Variants in PACRG observed in about 807,000 individuals in gnomAD.
PACRG encodes parkin coregulated gene protein.
Under a neutral mutation model 29.7 loss-of-function variants are expected in PACRG, and 29 were observed. The ratio of observed to expected loss-of-function variants is 0.98; its 90% CI spans 0.73 to 1.33. The LOEUF is 1.33. PACRG is among the 40% of genes most tolerant of loss of function. The pLI is 0.00. For missense variants in PACRG, 279 were observed against 316.2 expected (o/e 0.88, Z 0.89); for synonymous variants, 116 against 118.7 (o/e 0.98, Z 0.15).
At chr6:163,307,685 AT>A (rs1387494332) in intron 4 of PACRG, among the ~76,000 whole-genome samples, 2 of 152,212 alleles carry the variant, frequency 1.3e-5, no homozygotes, top group East Asian at 3.9e-4. Flanking sequence ...GGAAACACAC[AT>A]TATGGTTAAG....
intron 4 of PACRG, among the ~76,000 whole-genome samples, chr6:163,129,158 A>G (rs553545820): frequency 2.0e-4 from 31 of 152,324 alleles, no homozygotes; most frequent in African/African-American, 7.0e-4. Flanking sequence ...CACGATTCTC[A>G]TTCATTCCTT....
chr6:162,797,678 TG>T (rs958558109), intron 1 of PACRG, among the ~76,000 whole-genome samples: 1 of 152,148 alleles, frequency 6.6e-6, no homozygotes, highest in Admixed American at 6.6e-5. Flanking sequence ...TGAATTTTTT[TG>T]GGGGGGACTT....
At chr6:162,851,838 A>G (rs1790885493) in intron 2 of PACRG, among the ~76,000 whole-genome samples, 1 of 152,110 alleles carries the variant, frequency 6.6e-6, no homozygotes, top group South Asian at 2.1e-4. Context: ...GTGTATTTAT[A>G]CATAGACACC....
At chr6:162,832,252 T>C (rs181031682) in intron 2 of PACRG, among the ~76,000 whole-genome samples, 6 of 152,358 alleles carry the variant, frequency 3.9e-5, no homozygotes, top group Admixed American at 3.3e-4. Context: ...ATTTCTCTAA[T>C]GATCGTGATG....
chr6:163,043,720 A>G (rs889976892), intron 2 of PACRG, among the ~76,000 whole-genome samples: 11 of 152,230 alleles, frequency 7.2e-5, no homozygotes, highest in Admixed American at 1.3e-4. Flanking sequence ...TGAACTGAAC[A>G]TGGAGAATAA....
rs543311597 is a variant in PACRG, at chr6:163,196,360, T to G, written c.613+106952T>G. On this transcript the variant is annotated intron_variant, in intron 4 of 4. Transcript: ENST00000366888. ...TGACCTTTCACTCTTTTCGCCAACA[T>G]GTATCCGCTCCAAGACCTCTCCTGT... is the stretch of plus-strand genomic sequence containing the variant. Among the ~76,000 whole-genome samples the G allele has an allele frequency of 5.3e-5, 8 of 152,310 alleles. No individual in the cohort carries two copies. In the East Asian group the frequency reaches 1.5e-3, roughly 29 times the overall value.
intron 2 of PACRG, among the ~76,000 whole-genome samples, chr6:163,050,707 A>T (rs1809913429): frequency 6.6e-6 from 1 of 152,138 alleles, no homozygotes; most frequent in Non-Finnish European, 1.5e-5. Context: ...CATGTTGAAC[A>T]TTTTTTACCC....
At chr6:162,846,068 C>T (rs905031840) in intron 2 of PACRG, among the ~76,000 whole-genome samples, 7 of 152,002 alleles carry the variant, frequency 4.6e-5, no homozygotes, top group African/African-American at 1.2e-4. Context: ...CTGACCCCAG[C>T]GAAGGGGAGG....
chr6:162,867,973 A>G (rs1010211887), intron 2 of PACRG, among the ~76,000 whole-genome samples: 1 of 152,184 alleles, frequency 6.6e-6, no homozygotes, highest in Non-Finnish European at 1.5e-5. Context: ...TCTCATCAAT[A>G]AAAGGGAGAG....
At chr6:162,889,530 C>T (rs1413386045) in intron 2 of PACRG, among the ~76,000 whole-genome samples, 3 of 152,188 alleles carry the variant, frequency 2.0e-5, no homozygotes, top group South Asian at 2.1e-4. Context: ...CTAAATCAGC[C>T]TTGTCAGAAC....
At chr6:163,053,220 A>T (rs1810205401) in intron 2 of PACRG, among the ~76,000 whole-genome samples, 1 of 152,174 alleles carries the variant, frequency 6.6e-6, no homozygotes, top group Non-Finnish European at 1.5e-5. Flanking sequence ...ACTATTTGTG[A>T]ATCTAAATTA....
chr6:162,876,292 G>T (rs542771076), intron 2 of PACRG, among the ~76,000 whole-genome samples: 2 of 152,324 alleles, frequency 1.3e-5, no homozygotes, highest in East Asian at 3.9e-4. Flanking sequence ...AAGGCCACAA[G>T]ATTCCACTGG....
rs1812441631 is a variant in PACRG, at chr6:163,075,278, A to G, written c.463+12957A>G. Among the ~76,000 whole-genome samples the G allele has an allele frequency of 3.3e-5, 5 of 152,294 alleles. No homozygotes were observed. In the South Asian group the frequency reaches 1.0e-3, roughly 32 times the overall value. On this transcript the variant is annotated intron_variant, in intron 3 of 4. Transcript: ENST00000366888. ...AGTAATTAAAATCCCCCACACAACA[A>G]TAGCTCAAGGCTCACATAGCTTCAC...
At chr6:162,735,467 G>A (rs1439116419) in intron 1 of PACRG, among the ~76,000 whole-genome samples, 2 of 151,996 alleles carry the variant, frequency 1.3e-5, no homozygotes, top group Non-Finnish European at 1.5e-5. Context: ...CTTGTCATTT[G>A]AATATTAATT....
At position 162,903,371 on chromosome 6, in the gene PACRG, T is replaced by A. The variant is rs141950842; in HGVS notation, c.291+89090T>A. ...TTTAATATTGGGGAATGTATTAGTC[T>A]GTTTTCACGCTGCTGATATATACAT... On this transcript the variant is annotated intron_variant, in intron 2 of 4. Transcript: ENST00000366888. 1.2e-4 allele frequency among the ~76,000 whole-genome samples: 18 copies of A among 152,288 alleles called. 1 individual carries two copies. The highest frequency in any genetic ancestry group is 5.8e-4 in the East Asian group (3 of 5,180).
chr6:162,889,007 C>T (rs992920636), intron 2 of PACRG, among the ~76,000 whole-genome samples: 3 of 152,162 alleles, frequency 2.0e-5, no homozygotes, highest in Non-Finnish European at 4.4e-5. Flanking sequence ...TGGCATTAGG[C>T]TCAATCCCTC....
chr6:162,791,918 A>T (rs923040011), intron 1 of PACRG, among the ~76,000 whole-genome samples: 6 of 152,130 alleles, frequency 3.9e-5, no homozygotes. Context: ...GATGTTTCAC[A>T]TGCTGACGGG....
chr6:162,965,735 A>C (rs1234459368), intron 2 of PACRG, among the ~76,000 whole-genome samples: 1 of 152,224 alleles, frequency 6.6e-6, no homozygotes, highest in Non-Finnish European at 1.5e-5. Context: ...TAGAAGATGG[A>C]ATTCATGGAA....
chr6:163,181,070 A>G (rs1779632087), intron 4 of PACRG, among the ~76,000 whole-genome samples: 1 of 152,180 alleles, frequency 6.6e-6, no homozygotes, highest in Non-Finnish European at 1.5e-5. Flanking sequence ...TCCGGATACC[A>G]AAGCAGCACT....
Sources: allele counts gnomAD v4.1 joint callset (sites outside exome capture counted in the v4.1 genomes callset), GRCh38; gene constraint gnomAD v4.1.1; transcripts MANE v1.5; gene names NCBI Gene and HGNC (gene_info 2026-07-23, HGNC 2026-07-21).